CCDC73: variants seen among roughly 807,000 people sequenced by gnomAD.
CCDC73 encodes the protein coiled-coil domain-containing protein 73.
Under a neutral mutation model 116.5 loss-of-function variants are expected in CCDC73, and 95 were observed. The ratio of observed to expected loss-of-function variants is 0.82; its 90% CI spans 0.69 to 0.97. The LOEUF (loss-of-function observed/expected upper bound fraction) is 0.97. CCDC73 is among the 50% of genes least tolerant of loss of function. The pLI, the probability that CCDC73 is intolerant of heterozygous loss-of-function variation, is 0.00. For synonymous variants in CCDC73, 398 were observed against 401.3 expected (o/e 0.99, Z 0.10); for missense variants, 1,066 against 1,206.8 (o/e 0.88, Z 1.73).
intron 12 of CCDC73, 38 bp downstream of exon 12, chr11:32,653,085 C>T: frequency 4.1e-6 from 5 of 1,213,394 alleles, no homozygotes; most frequent in South Asian, 3.8e-5. Flanking sequence ...TACTAAAACA[C>T]AGATAGATAG....
the CCDC73 span, chr11:32,829,788 C>T: frequency 1.0e-6 from 1 of 985,336 alleles, no homozygotes; most frequent in African/African-American, 1.7e-5. Context: ...GGGGATGGGG[C>T]AGAAGCTGGG....
At chr11:32,694,093 G>A (rs187924903) in intron 6 of CCDC73, among the ~76,000 whole-genome samples, 334 of 152,214 alleles carry the variant, frequency 2.2e-3, no homozygotes, top group Non-Finnish European at 4.0e-3. Context: ...AGAAATAAAG[G>A]GTATTCAATT....
chr11:32,690,573 C>T (rs1367304828), intron 6 of CCDC73, among the ~76,000 whole-genome samples: 1 of 152,110 alleles, frequency 6.6e-6, no homozygotes, highest in African/African-American at 2.4e-5. Flanking sequence ...CCTAGTGCTG[C>T]CTCATGACGG....
intron 12 of CCDC73, among the ~76,000 whole-genome samples, chr11:32,645,362 G>A (rs1388451166): frequency 6.7e-6 from 1 of 149,032 alleles, no homozygotes; most frequent in Admixed American, 6.8e-5. Context: ...CGCGATCTCG[G>A]CTCACTGCAA....
Position 32,614,248 on chromosome 11 carries a change from A to C in CCDC73, c.2070T>G (p.Asn690Lys). 5 of 1,613,740 alleles carry C rather than the reference A, an allele frequency of 3.1e-6. No individual in the cohort carries two copies. Among genetic ancestry groups the C allele is most frequent in the Non-Finnish European group, 4.2e-6 (5 of 1,179,710 alleles). The change falls in exon 16 of 18, where the codon AAT (asparagine) becomes AAG (lysine). Residue 690 changes from asparagine to lysine, a missense_variant. Transcript: ENST00000335185. ...TTAGTTCAGATTTCTCTAAAGTATC[A>C]TTACAGACTTGCAGAAAATCTGAAG... ...KQTSDFLQVC[N>K]DTLEKSELTV...
intron 1 of CCDC73, among the ~76,000 whole-genome samples, chr11:32,776,970 C>T (rs1565099261): frequency 7.6e-4 from 91 of 120,268 alleles, no homozygotes; most frequent in Admixed American, 2.1e-3. Flanking sequence ...TACACACACA[C>T]ACATATATAT....
intron 2 of CCDC73, 39 bp downstream of exon 2, chr11:32,760,069 GT>G: frequency 1.3e-6 from 2 of 1,521,824 alleles, no homozygotes; most frequent in Non-Finnish European, 1.8e-6. Context: ...ACAAAATCAA[GT>G]TTTCTTATTT....
At chr11:32,790,076 T>C (rs2133406233) in intron 1 of CCDC73, among the ~76,000 whole-genome samples, 1 of 152,246 alleles carries the variant, frequency 6.6e-6, no homozygotes, top group Non-Finnish European at 1.5e-5. Context: ...AAAAGTAGTG[T>C]AGGGAGATTG....
At chr11:32,770,253 G>A (rs1454877617) in intron 1 of CCDC73, among the ~76,000 whole-genome samples, 1 of 152,148 alleles carries the variant, frequency 6.6e-6, no homozygotes, top group Non-Finnish European at 1.5e-5. Context: ...ATTTTTAAGA[G>A]TTCAAAGGTA....
chr11:32,825,231 T>C, the CCDC73 span, among the ~76,000 whole-genome samples: 10 of 151,192 alleles, frequency 6.6e-5, no homozygotes, highest in Admixed American at 1.3e-4. Context: ...AGAACTTCCA[T>C]GTAATGTGTG....
chr11:32,723,901 C>T (rs932384587), intron 2 of CCDC73, among the ~76,000 whole-genome samples: 1 of 151,620 alleles, frequency 6.6e-6, no homozygotes, highest in African/African-American at 2.4e-5. Context: ...TTAAAAGCTG[C>T]TTAAAGACAG....
chr11:32,766,670 C>T (rs1052969955), intron 1 of CCDC73, among the ~76,000 whole-genome samples: 9 of 152,162 alleles, frequency 5.9e-5, no homozygotes, highest in African/African-American at 2.2e-4. Context: ...TTCTTATACA[C>T]CAATAACAGG....
At chr11:32,684,569 T>A (rs1856176632) in intron 6 of CCDC73, among the ~76,000 whole-genome samples, 1 of 152,218 alleles carries the variant, frequency 6.6e-6, no homozygotes, top group African/African-American at 2.4e-5. Context: ...GTTTACTGAA[T>A]TGAGTCTTTT....
At chr11:32,621,903 A>G (rs1320721133) in intron 14 of CCDC73, among the ~76,000 whole-genome samples, 1 of 152,262 alleles carries the variant, frequency 6.6e-6, no homozygotes, top group Non-Finnish European at 1.5e-5. Context: ...TGAACATATG[A>G]AAAAGAGTTC....
At chr11:32,809,990 T>C in the CCDC73 span, among the ~76,000 whole-genome samples, 3 of 152,238 alleles carry the variant, frequency 2.0e-5, no homozygotes, top group East Asian at 1.9e-4. Context: ...TGTTACTTAC[T>C]CAAAGATACT....
intron 12 of CCDC73, among the ~76,000 whole-genome samples, chr11:32,649,839 T>C (rs1020258045): frequency 1.7e-4 from 26 of 152,194 alleles, no homozygotes; most frequent in African/African-American, 5.3e-4. Context: ...AATGATAGAT[T>C]GTATTGTTTG....
chr11:32,624,546 G>A (rs777662606), intron 14 of CCDC73, among the ~76,000 whole-genome samples: 2 of 151,990 alleles, frequency 1.3e-5, no homozygotes, highest in Non-Finnish European at 2.9e-5. Context: ...CTATTTTTAC[G>A]GACTTAGAAA....
chr11:32,612,083 A>AACAAGAT (rs1855427100), intron 16 of CCDC73, among the ~76,000 whole-genome samples: 1 of 152,180 alleles, frequency 6.6e-6, no homozygotes, highest in Admixed American at 6.5e-5. Context: ...GGTAGTAGTA[A>AACAAGAT]ACAAGATATG....
chr11:32,608,599 T>G (rs1465468122), intron 17 of CCDC73, among the ~76,000 whole-genome samples: 1 of 152,130 alleles, frequency 6.6e-6, no homozygotes, highest in African/African-American at 2.4e-5. Flanking sequence ...GATCTACCAT[T>G]ATGGGGTCTA....
Sources: allele counts gnomAD v4.1 joint callset (sites outside exome capture counted in the v4.1 genomes callset), GRCh38; gene constraint gnomAD v4.1.1; transcripts MANE v1.5; gene names NCBI Gene and HGNC (gene_info 2026-07-23, HGNC 2026-07-21).